SH3PXD2A: variants seen among roughly 807,000 people sequenced by gnomAD.
SH3PXD2A encodes SH3 and PX domains 2A, also known as SH3 and PX domain-containing protein 2A.
In SH3PXD2A, 32 loss-of-function variants were observed where a neutral mutation model predicts 115.2. The observed-to-expected ratio is 0.28, with a 90% CI of 0.21 to 0.37. SH3PXD2A has a LOEUF of 0.37. Among genes scored for constraint, SH3PXD2A ranks in the 10% least tolerant of loss-of-function variants. The pLI is 1.00. For missense variants in SH3PXD2A, 1,328 were observed against 1,498.7 expected (o/e 0.89, Z 1.88); for synonymous variants, 610 against 629.1 (o/e 0.97, Z 0.45).
At chr10:103,660,944 C>A in intron 8 of SH3PXD2A, 39 bp downstream of exon 8, 1 of 1,610,770 alleles carries the variant, frequency 6.2e-7, no homozygotes, top group Non-Finnish European at 8.5e-7. Context: ...GGGGGCCAGA[C>A]CGGAACCCCA....
At chr10:103,608,163 A>AAAAAAGTTTAC (rs1564842941) in intron 13 of SH3PXD2A, among the ~76,000 whole-genome samples, 2 of 145,752 alleles carry the variant, frequency 1.4e-5, no homozygotes, top group African/African-American at 2.5e-5. Context: ...AAAAAAAAAA[A>AAAAAAGTTTAC]AAAAAAAGAA....
intron 1 of SH3PXD2A, among the ~76,000 whole-genome samples, chr10:103,840,220 C>T (rs2039584024): frequency 6.6e-6 from 1 of 152,230 alleles, no homozygotes; most frequent in African/African-American, 2.4e-5. Context: ...AAGCAACAGC[C>T]TGGCCACCTG....
intron 1 of SH3PXD2A, among the ~76,000 whole-genome samples, chr10:103,824,448 G>GC (rs982859264): frequency 1.3e-5 from 2 of 152,218 alleles, no homozygotes; most frequent in East Asian, 3.9e-4. Context: ...CGGAGGGGAA[G>GC]CCACACAGCA....
intron 5 of SH3PXD2A, among the ~76,000 whole-genome samples, chr10:103,722,000 G>A (rs1048360899): frequency 9.2e-5 from 14 of 151,834 alleles, no homozygotes; most frequent in Non-Finnish European, 1.3e-4. Context: ...TGTAATGTGG[G>A]GATAAGAATA....
chr10:103,679,405 T>A (rs1341454973), intron 6 of SH3PXD2A, among the ~76,000 whole-genome samples: 1 of 152,228 alleles, frequency 6.6e-6, no homozygotes, highest in Non-Finnish European at 1.5e-5. Flanking sequence ...GAAGACCTAG[T>A]ACCAGTGTCC....
chr10:103,822,521 T>G (rs1309596435), intron 1 of SH3PXD2A, among the ~76,000 whole-genome samples: 1 of 152,200 alleles, frequency 6.6e-6, no homozygotes, highest in Non-Finnish European at 1.5e-5. Flanking sequence ...TCTGCCCTGA[T>G]GCAGCACTCA....
At chr10:103,688,468 A>G (rs2037707218) in intron 6 of SH3PXD2A, among the ~76,000 whole-genome samples, 1 of 152,232 alleles carries the variant, frequency 6.6e-6, no homozygotes, top group East Asian at 1.9e-4. Context: ...AGGAGGGAAG[A>G]AGAGGAGTAA....
chr10:103,619,923 C>A (rs2036577852), intron 10 of SH3PXD2A, among the ~76,000 whole-genome samples: 1 of 152,224 alleles, frequency 6.6e-6, no homozygotes, highest in South Asian at 2.1e-4. Flanking sequence ...GGCAGGCAGA[C>A]CAGGCCGTCC....
chr10:103,700,545 C>T (rs2037880336), intron 5 of SH3PXD2A, among the ~76,000 whole-genome samples: 1 of 152,194 alleles, frequency 6.6e-6, no homozygotes, highest in South Asian at 2.1e-4. Context: ...GGGTTCCCAT[C>T]AGGTGCATTC....
chr10:103,728,533 C>T (rs899453634), intron 4 of SH3PXD2A, among the ~76,000 whole-genome samples: 11 of 152,148 alleles, frequency 7.2e-5, no homozygotes, highest in Admixed American at 3.9e-4. Context: ...AATGGAATCC[C>T]GAAGTATGTC....
intron 9 of SH3PXD2A, among the ~76,000 whole-genome samples, chr10:103,625,869 G>C (rs2036684133): frequency 6.6e-6 from 1 of 152,256 alleles, no homozygotes; most frequent in African/African-American, 2.4e-5. Flanking sequence ...CAGCCTAGGA[G>C]ACAGAGCAAG....
At chr10:103,759,913 G>A (rs539705114) in intron 3 of SH3PXD2A, among the ~76,000 whole-genome samples, 2 of 152,218 alleles carry the variant, frequency 1.3e-5, no homozygotes, top group African/African-American at 2.4e-5. Context: ...CTCAGAAAGC[G>A]CTAAGGCACA....
At chr10:103,814,717 C>T (rs115533794) in intron 1 of SH3PXD2A, among the ~76,000 whole-genome samples, 2,376 of 152,256 alleles carry the variant, frequency 0.016, 65 homozygotes, top group African/African-American at 0.053. Flanking sequence ...AAGAAGCTTT[C>T]AAATAATAGT....
chr10:103,615,486 GTGTGTGTGTGT>G (rs1564844805), intron 11 of SH3PXD2A, among the ~76,000 whole-genome samples: 51 of 31,264 alleles, frequency 1.6e-3, no homozygotes, highest in Non-Finnish European at 2.3e-3. Flanking sequence ...GTGCGAGGGT[GTGTGTGTGTGT>G]GTGTGTGTGT....
At chr10:103,684,733 A>AAG (rs1436595666) in intron 6 of SH3PXD2A, among the ~76,000 whole-genome samples, 3 of 152,106 alleles carry the variant, frequency 2.0e-5, no homozygotes, top group Non-Finnish European at 4.4e-5. Flanking sequence ...CCAAACTCAT[A>AAG]AAAAGGAAAA....
At chr10:103,680,900 T>C (rs2037599655) in intron 6 of SH3PXD2A, among the ~76,000 whole-genome samples, 1 of 152,088 alleles carries the variant, frequency 6.6e-6, no homozygotes, top group South Asian at 2.1e-4. Flanking sequence ...AAAGTAACTT[T>C]AGATTAGAAA....
At chr10:103,680,872 ACCACTTTT>A in intron 6 of SH3PXD2A, among the ~76,000 whole-genome samples, 1 of 152,222 alleles carries the variant, frequency 6.6e-6, no homozygotes, top group Non-Finnish European at 1.5e-5. Flanking sequence ...AGTTACACAC[ACCACTTTT>A]CTGTTTCTAA....
At chr10:103,776,000 T>C (rs908715314) in intron 2 of SH3PXD2A, among the ~76,000 whole-genome samples, 1 of 152,214 alleles carries the variant, frequency 6.6e-6, no homozygotes, top group Non-Finnish European at 1.5e-5. Context: ...TTTCCATCCC[T>C]GGGCTCTAGG....
chr10:103,644,269 T>C (rs544390782), intron 8 of SH3PXD2A, among the ~76,000 whole-genome samples: 7 of 150,170 alleles, frequency 4.7e-5, no homozygotes, highest in South Asian at 2.1e-4. Flanking sequence ...TCTGAGATAA[T>C]AGATGAGAAA....
Sources: gnomAD v4.1 joint callset for allele counts (sites outside exome capture counted in the v4.1 genomes callset) on GRCh38, gnomAD v4.1.1 for gene constraint, MANE v1.5 for transcripts, NCBI Gene and HGNC (gene_info 2026-07-23, HGNC 2026-07-21) for gene names.